Variants in CAMKMT observed in about 807,000 individuals in gnomAD.
The protein encoded by CAMKMT is CaM KMT.
A neutral mutation model predicts 48.0 loss-of-function variants in CAMKMT; 53 were observed. The ratio of observed to expected loss-of-function variants is 1.10; its 90% confidence interval spans 0.89 to 1.39. The LOEUF (loss-of-function observed/expected upper bound fraction) is 1.39. Ranked by LOEUF, CAMKMT falls within the 40% of genes most tolerant of loss-of-function variation. CAMKMT has a pLI of 0.00. For synonymous variants in CAMKMT, 165 were observed against 152.3 expected (o/e 1.08, Z -0.61); for missense variants, 428 against 402.7 (o/e 1.06, Z -0.54).
At chr2:44,688,268 C>T (rs939153629) in intron 3 of CAMKMT, among the ~76,000 whole-genome samples, 8 of 152,156 alleles carry the variant, frequency 5.3e-5, no homozygotes, top group South Asian at 2.1e-4. Context: ...AGAGCAAGAC[C>T]GCTGTGTTTA....
intron 3 of CAMKMT, among the ~76,000 whole-genome samples, chr2:44,503,210 C>A (rs998686183): frequency 6.6e-6 from 1 of 152,038 alleles, no homozygotes; most frequent in African/African-American, 2.4e-5. Flanking sequence ...AACCTCTCCC[C>A]TGCTTGTGTC....
intron 9 of CAMKMT, among the ~76,000 whole-genome samples, chr2:44,764,777 G>A (rs1226035326): frequency 6.6e-6 from 1 of 152,210 alleles, no homozygotes; most frequent in Non-Finnish European, 1.5e-5. Context: ...AGGAGGATTT[G>A]TGAAGCACCT....
At chr2:44,542,892 C>T (rs762715306) in intron 3 of CAMKMT, among the ~76,000 whole-genome samples, 8 of 152,010 alleles carry the variant, frequency 5.3e-5, no homozygotes, top group South Asian at 2.1e-4. Context: ...GGTCAGATGG[C>T]GGGAGATCCT....
intron 3 of CAMKMT, among the ~76,000 whole-genome samples, chr2:44,526,050 T>G (rs1478602638): frequency 6.6e-6 from 1 of 152,124 alleles, no homozygotes; most frequent in African/African-American, 2.4e-5. Flanking sequence ...CATGGAATAC[T>G]AGGCAGCCAT....
chr2:44,553,791 T>C (rs1400743598), intron 3 of CAMKMT, among the ~76,000 whole-genome samples: 1 of 152,238 alleles, frequency 6.6e-6, no homozygotes, highest in Non-Finnish European at 1.5e-5. Context: ...ATGGCTCTGG[T>C]AGTATTTCTA....
At chr2:44,752,223 T>A (rs1269800342) in intron 8 of CAMKMT, among the ~76,000 whole-genome samples, 1 of 151,776 alleles carries the variant, frequency 6.6e-6, no homozygotes, top group East Asian at 2.0e-4. Flanking sequence ...TGACCTCAGT[T>A]CATAGTTACT....
chr2:44,702,815 G>C (rs1335486849), intron 3 of CAMKMT, among the ~76,000 whole-genome samples: 1 of 152,166 alleles, frequency 6.6e-6, no homozygotes, highest in Admixed American at 6.5e-5. Flanking sequence ...GCTCTATGGA[G>C]ACACCTCTTT....
chr2:44,661,099 A>T (rs1458720895), intron 3 of CAMKMT, among the ~76,000 whole-genome samples: 1 of 152,064 alleles, frequency 6.6e-6, no homozygotes, highest in East Asian at 1.9e-4. Context: ...TGCTTGTTGT[A>T]TCATCTTTAT....
chr2:44,590,853 C>T (rs1195189770), intron 3 of CAMKMT, among the ~76,000 whole-genome samples: 1 of 151,380 alleles, frequency 6.6e-6, no homozygotes, highest in Non-Finnish European at 1.5e-5. Flanking sequence ...AATGGTAATG[C>T]CTAGGTTTTC....
intron 3 of CAMKMT, among the ~76,000 whole-genome samples, chr2:44,577,549 G>A (rs1669292201): frequency 6.6e-6 from 1 of 151,954 alleles, no homozygotes; most frequent in Admixed American, 6.6e-5. Flanking sequence ...AGTCTGAGAG[G>A]TCCAGGCTGC....
Position 44,618,320 on chromosome 2 carries a change from C to T in CAMKMT, c.377-85963C>T, listed in dbSNP as rs1452587147. Among the ~76,000 whole-genome samples, 1 of 152,168 alleles carries T rather than the reference C, an allele frequency of 6.6e-6. No homozygotes were observed. The highest frequency in any genetic ancestry group is 1.5e-5 in the Non-Finnish European group (1 of 68,042). ...GCCATCAGAGTCATTTTACGACAGC[C>T]AGGGAGCAAAGCTCAGAGATGGATA... On this transcript the variant is annotated intron_variant, in intron 3 of 10. Transcript: ENST00000378494. The surrounding 1 kb of genome is among the most constrained non-coding windows in gnomAD (Gnocchi z 4.0).
At chr2:44,385,523 G>C (rs1680705345) in intron 2 of CAMKMT, among the ~76,000 whole-genome samples, 3 of 151,656 alleles carry the variant, frequency 2.0e-5, no homozygotes, top group Admixed American at 2.0e-4. Context: ...GAAGAGCAGT[G>C]GTGAGAGTGG....
At chr2:44,422,285 G>A (rs1683985043) in intron 3 of CAMKMT, among the ~76,000 whole-genome samples, 1 of 152,246 alleles carries the variant, frequency 6.6e-6, no homozygotes, top group Non-Finnish European at 1.5e-5. Context: ...CTGTAGAACT[G>A]TGAGCCAATT....
chr2:44,530,924 G>A (rs1011115992), intron 3 of CAMKMT, among the ~76,000 whole-genome samples: 3 of 151,818 alleles, frequency 2.0e-5, no homozygotes, highest in Non-Finnish European at 4.4e-5. Context: ...TCATAGTGTG[G>A]TAGCCTTAGA....
At chr2:44,581,428 G>A (rs914073687) in intron 3 of CAMKMT, among the ~76,000 whole-genome samples, 8 of 152,148 alleles carry the variant, frequency 5.3e-5, no homozygotes, top group African/African-American at 1.9e-4. Flanking sequence ...AGTCAAGTTT[G>A]TTATATTCTA....
At chr2:44,606,354 T>G (rs898506260) in intron 3 of CAMKMT, among the ~76,000 whole-genome samples, 12 of 152,198 alleles carry the variant, frequency 7.9e-5, no homozygotes, top group East Asian at 5.8e-4. Flanking sequence ...ACAAATATCT[T>G]TTTCCATTTA....
chr2:44,714,921 C>T (rs1025307170), intron 6 of CAMKMT, among the ~76,000 whole-genome samples: 3 of 152,158 alleles, frequency 2.0e-5, no homozygotes, highest in Non-Finnish European at 4.4e-5. Flanking sequence ...TGGCCAGGCG[C>T]AGTGGCTCAC....
chr2:44,570,735 G>A (rs1164641084), intron 3 of CAMKMT, among the ~76,000 whole-genome samples: 1 of 152,072 alleles, frequency 6.6e-6, no homozygotes, highest in Non-Finnish European at 1.5e-5. Flanking sequence ...AAGATGAAAA[G>A]CAAACGAATA....
At chr2:44,506,081 C>T (rs1187946949) in intron 3 of CAMKMT, among the ~76,000 whole-genome samples, 1 of 152,032 alleles carries the variant, frequency 6.6e-6, no homozygotes, top group Non-Finnish European at 1.5e-5. Context: ...GTCTCGAACT[C>T]CTGGGCTCAA....
Sources: allele counts gnomAD v4.1 joint callset (sites outside exome capture counted in the v4.1 genomes callset), GRCh38; gene constraint gnomAD v4.1.1; non-coding constraint Gnocchi (gnomAD v3.1); transcripts MANE v1.5; gene names NCBI Gene and HGNC (gene_info 2026-07-23, HGNC 2026-07-21).